Variants in ATG10 observed in about 807,000 individuals in gnomAD.
The protein encoded by ATG10 is autophagy related 10.
Under a neutral mutation model 32.1 loss-of-function variants are expected in ATG10, and 30 were observed. The observed-to-expected ratio is 0.94, with a 90% CI of 0.70 to 1.27. The LOEUF (loss-of-function observed/expected upper bound fraction) is 1.27. ATG10 is among the 50% of genes most tolerant of loss of function. The pLI is 0.00. For missense variants in ATG10, 233 were observed against 262.3 expected (o/e 0.89, Z 0.77); for synonymous variants, 87 against 91.5 (o/e 0.95, Z 0.28).
intron 2 of ATG10, among the ~76,000 whole-genome samples, chr5:81,997,971 A>G (rs1339493627): frequency 6.6e-6 from 1 of 152,224 alleles, no homozygotes; most frequent in African/African-American, 2.4e-5. Context: ...GTATTTCAGG[A>G]TATCGTCCAT....
chr5:82,082,729 A>G (rs1007929958), intron 3 of ATG10, among the ~76,000 whole-genome samples: 21 of 152,182 alleles, frequency 1.4e-4, no homozygotes, highest in Non-Finnish European at 2.9e-4. Flanking sequence ...AATAGAAACC[A>G]TATCAGGAAA....
At chr5:82,000,983 A>C (rs1404754121) in intron 2 of ATG10, among the ~76,000 whole-genome samples, 1 of 152,156 alleles carries the variant, frequency 6.6e-6, no homozygotes, top group Non-Finnish European at 1.5e-5. Context: ...TCTATGCACC[A>C]ACAATATCCA....
At chr5:82,030,483 C>T (rs139164138) in intron 2 of ATG10, among the ~76,000 whole-genome samples, 49 of 152,206 alleles carry the variant, frequency 3.2e-4, no homozygotes, top group East Asian at 2.1e-3. Context: ...CTTACTTGTC[C>T]GCTTCTCCAT....
At chr5:82,217,196 A>G (rs758000135) in intron 5 of ATG10, among the ~76,000 whole-genome samples, 1 of 152,204 alleles carries the variant, frequency 6.6e-6, no homozygotes, top group Admixed American at 6.5e-5. Context: ...TTTGCAATCA[A>G]ACAGACATCA....
At chr5:82,218,638 T>G (rs1745795026) in intron 5 of ATG10, among the ~76,000 whole-genome samples, 1 of 152,212 alleles carries the variant, frequency 6.6e-6, no homozygotes, top group Non-Finnish European at 1.5e-5. Context: ...ACACATTCTT[T>G]ATAGTACCAC....
chr5:82,151,741 T>A (rs886322686), intron 3 of ATG10, among the ~76,000 whole-genome samples: 33 of 152,358 alleles, frequency 2.2e-4, no homozygotes, highest in Admixed American at 2.2e-3. Context: ...ATATTTGCTA[T>A]TATTAATGAT....
chr5:82,040,286 G>A (rs531870717), intron 2 of ATG10, among the ~76,000 whole-genome samples: 1 of 152,056 alleles, frequency 6.6e-6, no homozygotes, highest in Non-Finnish European at 1.5e-5. Flanking sequence ...CAAAATAAAG[G>A]CAACATTGAA....
chr5:81,976,676 CT>C, intron 1 of ATG10, among the ~76,000 whole-genome samples: 1 of 152,168 alleles, frequency 6.6e-6, no homozygotes. Context: ...TAACTGTGTC[CT>C]TTTGGTGCAG....
chr5:82,168,212 C>G (rs1743658890), intron 4 of ATG10, among the ~76,000 whole-genome samples: 1 of 152,106 alleles, frequency 6.6e-6, no homozygotes, highest in Non-Finnish European at 1.5e-5. Context: ...GAGGGCTCAG[C>G]TTTGATCAAA....
chr5:82,123,140 A>ATCCT (rs1766114127), intron 3 of ATG10, among the ~76,000 whole-genome samples: 1 of 152,240 alleles, frequency 6.6e-6, no homozygotes, highest in Non-Finnish European at 1.5e-5. Context: ...TAGGATAAAG[A>ATCCT]AGATGTAGTA....
chr5:82,011,664 G>A (rs1479160823), intron 2 of ATG10, among the ~76,000 whole-genome samples: 1 of 152,214 alleles, frequency 6.6e-6, no homozygotes, highest in Non-Finnish European at 1.5e-5. Context: ...TCAAACACCT[G>A]GAGCCAGTAG....
intron 2 of ATG10, among the ~76,000 whole-genome samples, chr5:82,010,580 TAG>T (rs1200119358): frequency 6.6e-6 from 1 of 152,198 alleles, no homozygotes; most frequent in African/African-American, 2.4e-5. Flanking sequence ...TAGCTTTATT[TAG>T]AGAGACTGGG....
intron 5 of ATG10, among the ~76,000 whole-genome samples, chr5:82,250,663 G>A (rs1381557500): frequency 6.6e-6 from 1 of 152,098 alleles, no homozygotes; most frequent in Admixed American, 6.5e-5. Context: ...CCTTTGTAGG[G>A]CTTATAATTA....
chr5:82,093,160 T>G (rs1011029423), intron 3 of ATG10, among the ~76,000 whole-genome samples: 2 of 152,194 alleles, frequency 1.3e-5, no homozygotes, highest in Non-Finnish European at 2.9e-5. Flanking sequence ...TTCATTGAAC[T>G]TGTTACATAT....
chr5:82,168,940 A>G (rs1743686451), intron 4 of ATG10, among the ~76,000 whole-genome samples: 1 of 151,810 alleles, frequency 6.6e-6, no homozygotes, highest in African/African-American at 2.4e-5. Flanking sequence ...TAGAATATCC[A>G]TAGCTCTGTC....
At chr5:82,253,120 C>T (rs879111076) in intron 6 of ATG10, among the ~76,000 whole-genome samples, 194 bp from the exon 7 acceptor site, 1 of 152,226 alleles carries the variant, frequency 6.6e-6, no homozygotes, top group South Asian at 2.1e-4. Context: ...GGGATCCTTA[C>T]AGGCTCTCTG....
chr5:82,101,230 T>A (rs1428688875), intron 3 of ATG10, among the ~76,000 whole-genome samples: 2 of 152,144 alleles, frequency 1.3e-5, no homozygotes, highest in African/African-American at 4.8e-5. Context: ...AGTCACTGAG[T>A]ACTCCGACTC....
chr5:82,184,853 C>T (rs1581780618), intron 5 of ATG10, among the ~76,000 whole-genome samples: 1 of 152,170 alleles, frequency 6.6e-6, no homozygotes. Context: ...AGCCCTACTA[C>T]ACCTCACTCT....
intron 2 of ATG10, among the ~76,000 whole-genome samples, chr5:82,039,121 C>T (rs1474465731): frequency 2.0e-5 from 3 of 152,210 alleles, no homozygotes; most frequent in South Asian, 2.1e-4. Context: ...GCTAGGATTA[C>T]AGGCATGAGC....
Sources: gnomAD v4.1 joint callset for allele counts (sites outside exome capture counted in the v4.1 genomes callset) on GRCh38, gnomAD v4.1.1 for gene constraint, MANE v1.5 for transcripts, NCBI Gene and HGNC (gene_info 2026-07-23, HGNC 2026-07-21) for gene names.